Variants in FMO5 observed in about 807,000 individuals in gnomAD.
FMO5 encodes the protein flavin containing dimethylaniline monoxygenase 5.
In FMO5, 51 loss-of-function variants were observed where a neutral mutation model predicts 43.6. That is an observed-to-expected ratio of 1.17 (90% confidence interval 0.93 to 1.48). FMO5 has a LOEUF of 1.48. Among genes scored for constraint, FMO5 ranks in the 40% most tolerant of loss-of-function variants. The pLI is 0.00. For missense variants in FMO5, 644 were observed against 643.0 expected (o/e 1.00, Z -0.02); for synonymous variants, 187 against 216.5 (o/e 0.86, Z 1.20).
At position 147,224,954 on chromosome 1, in the gene FMO5, C is replaced by T; in HGVS notation, c.76G>A (p.Gly26Ser). 6.2e-7 allele frequency: 1 copy of T among 1,613,878 alleles called. No homozygotes were observed. The highest frequency in any genetic ancestry group is 8.5e-7 in the Non-Finnish European group (1 of 1,179,856). Residue 26 changes from glycine (G) to serine (S), a missense_variant, in exon 2 of 9, where the codon GGC becomes AGC. Coordinates refer to ENST00000254090, the MANE Select transcript of FMO5 (RefSeq NM_001461.4). ...LSSIKCCVEE[G>S]LEPVCFERTD... ...CTTTCAAAGCAGACAGGTTCCAAGC[C>T]TTCTTCTACGCAGCACTTGATGGAA... is the stretch of plus-strand genomic sequence containing the variant.
intron 7 of FMO5, among the ~76,000 whole-genome samples, chr1:147,199,049 C>G (rs10494242): frequency 0.037 from 5,606 of 151,894 alleles, 148 homozygotes; most frequent in South Asian, 0.095. Context: ...CTGCAAAAGA[C>G]GCAATCAAAA....
intron 7 of FMO5, among the ~76,000 whole-genome samples, chr1:147,196,186 G>A (rs1471177013): frequency 6.6e-6 from 1 of 152,004 alleles, no homozygotes; most frequent in East Asian, 1.9e-4. Context: ...AACTATCCTG[G>A]TGTATCCCTC....
chr1:147,220,807 C>A (rs1662869983), intron 2 of FMO5, among the ~76,000 whole-genome samples: 2 of 151,964 alleles, frequency 1.3e-5, no homozygotes, highest in Admixed American at 1.3e-4. Context: ...TTCATATGTA[C>A]CCCCGAACCT....
intron 3 of FMO5, among the ~76,000 whole-genome samples, chr1:147,213,869 G>C (rs1661491447): frequency 6.6e-6 from 1 of 152,106 alleles, no homozygotes; most frequent in African/African-American, 2.4e-5. Context: ...TCTTACCCTA[G>C]GTTCTCTTCT....
At chr1:147,223,203 C>T (rs782726249) in intron 2 of FMO5, among the ~76,000 whole-genome samples, 4 of 152,162 alleles carry the variant, frequency 2.6e-5, no homozygotes, top group Non-Finnish European at 4.4e-5. Flanking sequence ...CATATTGTGG[C>T]TGGATTTTAA....
chr1:147,204,778 AT>A, intron 6 of FMO5: 2 of 1,578,910 alleles, frequency 1.3e-6, no homozygotes, highest in Non-Finnish European at 1.7e-6. Flanking sequence ...CATTTTTTTC[AT>A]TCCATTTCGT....
intron 7 of FMO5, among the ~76,000 whole-genome samples, chr1:147,198,113 C>T (rs1658325905): frequency 6.6e-6 from 1 of 152,158 alleles, no homozygotes; most frequent in African/African-American, 2.4e-5. Flanking sequence ...AGAGATCTGG[C>T]TCCCATTCTG....
At chr1:147,210,638 A>C (rs1553923569) in intron 5 of FMO5, 1 of 152,230 alleles carries the variant, frequency 6.6e-6, no homozygotes, top group Non-Finnish European at 1.5e-5. Context: ...GAAAACGCTC[A>C]GAGCCCTAAT....
chr1:147,210,661 T>G (rs1306588450), intron 5 of FMO5: 2 of 152,202 alleles, frequency 1.3e-5, no homozygotes, highest in Non-Finnish European at 2.9e-5. Context: ...AAAGATTTCC[T>G]ATTTATGAAA....
downstream of FMO5, among the ~76,000 whole-genome samples, chr1:147,184,930 A>C (rs1655487946): frequency 6.6e-6 from 1 of 152,222 alleles, no homozygotes; most frequent in East Asian, 1.9e-4. The surrounding 1 kb of genome is among the most constrained non-coding windows in gnomAD (Gnocchi z 4.4). Context: ...AGATTCATCT[A>C]TTCTACCCCA....
At chr1:147,221,692 A>C (rs1663037083) in intron 2 of FMO5, among the ~76,000 whole-genome samples, 1 of 152,230 alleles carries the variant, frequency 6.6e-6, no homozygotes, top group African/African-American at 2.4e-5. Flanking sequence ...CAAAGAGTAG[A>C]GCCATCCTAT....
At chr1:147,208,370 G>A (rs587626784) in intron 6 of FMO5, 1 of 152,528 alleles carries the variant, frequency 6.6e-6, no homozygotes, top group African/African-American at 2.4e-5. Context: ...AATAGATCTT[G>A]GACATCTGTG....
intron 8 of FMO5, among the ~76,000 whole-genome samples, chr1:147,188,321 C>T (rs1215209818): frequency 2.6e-5 from 4 of 151,746 alleles, no homozygotes; most frequent in Admixed American, 1.3e-4. Flanking sequence ...CTCAGGAGTT[C>T]GAGATCAGCC....
intron 3 of FMO5, chr1:147,214,798 TC>T (rs1661703827): frequency 6.6e-6 from 1 of 152,046 alleles, no homozygotes; most frequent in Non-Finnish European, 1.5e-5. Flanking sequence ...TTCATTTTTA[TC>T]CCCTTAACTA....
intron 6 of FMO5, among the ~76,000 whole-genome samples, chr1:147,202,468 T>G (rs1553921274): frequency 6.6e-6 from 1 of 151,908 alleles, no homozygotes. Context: ...TACAGGCACC[T>G]GCCACCATGC....
At chr1:147,211,751 A>C (rs1530337) in intron 5 of FMO5, among the ~76,000 whole-genome samples, 8,494 of 152,278 alleles carry the variant, frequency 0.056, 265 homozygotes, top group African/African-American at 0.092. Context: ...ACAAAAACCA[A>C]AACAAACAAA....
At chr1:147,217,497 T>C (rs944619182) in intron 2 of FMO5, among the ~76,000 whole-genome samples, 3 of 152,242 alleles carry the variant, frequency 2.0e-5, no homozygotes, top group Non-Finnish European at 4.4e-5. Context: ...TTATGAAACA[T>C]TAAATAGCCA....
intron 6 of FMO5, chr1:147,203,249 A>C: frequency 7.8e-7 from 1 of 1,280,588 alleles, no homozygotes; most frequent in Non-Finnish European, 1.1e-6. Context: ...TACAGCCTTC[A>C]CCTACAGTAA....
At chr1:147,224,719 C>A (rs1281055407) in intron 2 of FMO5, among the ~76,000 whole-genome samples, 176 bp downstream of exon 2, 12 of 152,160 alleles carry the variant, frequency 7.9e-5, no homozygotes, top group African/African-American at 2.7e-4. Flanking sequence ...ACCGTGTTAG[C>A]CAGGATGGTC....
Sources: gnomAD v4.1 joint callset for allele counts (sites outside exome capture counted in the v4.1 genomes callset) on GRCh38, gnomAD v4.1.1 for gene constraint, Gnocchi (gnomAD v3.1) non-coding constraint, MANE v1.5 for transcripts, NCBI Gene and HGNC (gene_info 2026-07-23, HGNC 2026-07-21) for gene names.